ATP8B1: variants seen among roughly 807,000 people sequenced by gnomAD.
The protein encoded by ATP8B1 is phospholipid-transporting ATPase IC.
Under a neutral mutation model 149.9 loss-of-function variants are expected in ATP8B1, and 80 were observed. That is an observed-to-expected ratio of 0.53 (90% CI 0.45 to 0.64). ATP8B1 has a LOEUF of 0.64. ATP8B1 is among the 30% of genes least tolerant of loss of function. The pLI is 0.00. For missense variants in ATP8B1, 1,247 were observed against 1,552.6 expected (o/e 0.80, Z 3.31); for synonymous variants, 536 against 562.8 (o/e 0.95, Z 0.67).
At chr18:57,668,730 T>C in intron 18 of ATP8B1, 190 bp from the exon 19 acceptor site, 1 of 530,504 alleles carries the variant, frequency 1.9e-6, no homozygotes, top group Non-Finnish European at 3.3e-6. Flanking sequence ...CCAACACACC[T>C]AAAAACTTTT....
chr18:57,799,825 A>G (rs1471891910), intron 1 of ATP8B1, among the ~76,000 whole-genome samples: 1 of 152,190 alleles, frequency 6.6e-6, no homozygotes, highest in Non-Finnish European at 1.5e-5. Flanking sequence ...ATCTTCCTAA[A>G]CAATACCAGG....
intron 2 of ATP8B1, among the ~76,000 whole-genome samples, chr18:57,713,155 T>TTCTC (rs148275843): frequency 7.7e-6 from 1 of 129,264 alleles, no homozygotes; most frequent in African/African-American, 3.0e-5. Context: ...CTCTTGATCT[T>TTCTC]TCTCTTTCTT....
intron 15 of ATP8B1, among the ~76,000 whole-genome samples, chr18:57,679,670 C>G (rs964341952): frequency 6.6e-6 from 1 of 152,084 alleles, no homozygotes; most frequent in Non-Finnish European, 1.5e-5. Context: ...CTGATTCACT[C>G]TAATTTCTTT....
At chr18:57,651,484 C>T (rs189578692) in intron 26 of ATP8B1, among the ~76,000 whole-genome samples, 28 of 152,270 alleles carry the variant, frequency 1.8e-4, no homozygotes, top group Admixed American at 1.2e-3. Context: ...ATTCAACACA[C>T]GTACAGCGCT....
chr18:57,688,397 T>A lies in ATP8B1; in HGVS notation c.1331A>T (p.Gln444Leu), dbSNP rs754395077. ...GAAGATATAATGGATCTGCCCGAGC[T>A]GTTCATTGAGTGTGGTGGTTCTAGC... is the stretch of plus-strand genomic sequence containing the variant. ...AKARTTTLNE[Q>L]LGQIHYIFSD... The change falls in exon 13 of 28, where the codon CAG becomes CTG. Residue 444 changes from glutamine to leucine, a missense_variant. Physicochemically the swap from Gln to Leu is moderately radical, Grantham distance 113. Transcript: ENST00000648908. 6.2e-7 allele frequency: 1 copy of A among 1,614,224 alleles called. No homozygotes were observed. The highest frequency in any genetic ancestry group is 8.5e-7 in the Non-Finnish European group (1 of 1,180,040).
At chr18:57,676,717 CAAAAAAAAAAA>C (rs58101846) in intron 15 of ATP8B1, among the ~76,000 whole-genome samples, 10 of 92,220 alleles carry the variant, frequency 1.1e-4, no homozygotes, top group African/African-American at 1.7e-4. Context: ...GACTCCATTT[CAAAAAAAAAAA>C]AAAAAAAAAA....
chr18:57,802,347 G>A lies in ATP8B1; in HGVS notation c.-26+651C>T, dbSNP rs2080586336. ...TCAGCGGGGCTGGCGGACGCGACCC[G>A]ACAGTCACCGGAAAAACAGTGGTGT... On this transcript the variant is annotated intron_variant, in intron 1 of 27. Transcript: ENST00000648908. This position sits in a 1 kb window ranked among gnomAD's most constrained non-coding sequence, Gnocchi z 4.9. Among the ~76,000 whole-genome samples, 2 of 152,098 alleles carry A rather than the reference G, an allele frequency of 1.3e-5. No individual in the cohort carries two copies. Among genetic ancestry groups the A allele is most frequent in the African/African-American group, 4.8e-5 (2 of 41,416 alleles).
rs540512648 is a variant in ATP8B1, at chr18:57,694,806, G to A, written c.941-136C>T. 1,092 of 724,880 alleles carry A rather than the reference G, an allele frequency of 1.5e-3. 4 individuals are homozygous for A. The highest frequency in any genetic ancestry group is 2.1e-3 in the Non-Finnish European group (874 of 414,228). 44.9% of individuals were successfully genotyped at this position (724,880 alleles called of 1,614,324 possible). A position where few individuals can be genotyped will look rare whatever the true frequency, so the allele number is the denominator to read the frequency against. On this transcript the variant is annotated intron_variant, in intron 10 of 27. Coordinates refer to ENST00000648908, the MANE Select transcript of ATP8B1 (RefSeq NM_001374385.1). Reference sequence around the variant, plus strand: ...GCAGTTTTGGAGGCTGAGTTGGGCGGATCACCTGAGGTCAGGGGTTCGAGG... The same window carrying A: ...GCAGTTTTGGAGGCTGAGTTGGGCGAATCACCTGAGGTCAGGGGTTCGAGG...
At chr18:57,654,223 C>T (rs924554840) in intron 23 of ATP8B1, 148 bp from the exon 24 acceptor site, 1 of 775,980 alleles carries the variant, frequency 1.3e-6, no homozygotes, top group African/African-American at 1.7e-5. Flanking sequence ...CCTAGGCTGG[C>T]CTCGAACTCC....
At chr18:57,660,350 A>C (rs528091724) in intron 22 of ATP8B1, among the ~76,000 whole-genome samples, 1 of 152,314 alleles carries the variant, frequency 6.6e-6, no homozygotes, top group South Asian at 2.1e-4. Context: ...TGTTACTCTA[A>C]ACTCACACCA....
chr18:57,759,806 G>A (rs2080130019), intron 1 of ATP8B1, among the ~76,000 whole-genome samples: 1 of 149,434 alleles, frequency 6.7e-6, no homozygotes, highest in Non-Finnish European at 1.5e-5. Context: ...GAGACAGAGC[G>A]AGACTCCGTC....
rs949103874 is a variant in ATP8B1, at chr18:57,646,880, G to A, written c.*1608C>T. 2 of 152,490 alleles carry A rather than the reference G, an allele frequency of 1.3e-5. No homozygotes were observed. Among genetic ancestry groups the A allele is most frequent in the African/African-American group, 2.4e-5 (1 of 41,414 alleles). The allele number at this position is 152,490 out of a possible 1,614,324, so 9.4% of individuals were successfully genotyped here. On this transcript the variant is annotated 3_prime_UTR_variant, in exon 28 of 28. Transcript: ENST00000648908. ...CCCAATGGTAAAAAACAGAATTCTC[G>A]AACTATGGAAACTAGTGTGTGAAAG...
intron 1 of ATP8B1, among the ~76,000 whole-genome samples, chr18:57,787,609 G>T (rs2080422780): frequency 6.6e-6 from 1 of 152,130 alleles, no homozygotes; most frequent in African/African-American, 2.4e-5. Context: ...TTGTAATTTT[G>T]GCTTCTTTGT....
chr18:57,771,412 C>T (rs1000855108), intron 1 of ATP8B1, among the ~76,000 whole-genome samples: 3 of 152,122 alleles, frequency 2.0e-5, no homozygotes, highest in Non-Finnish European at 4.4e-5. Context: ...TAGGCAATTC[C>T]CTTACTTCCT....
rs546260570 is a variant in ATP8B1 at position 57,674,576 on chromosome 18, C to T, written c.1819+258G>A. 2.0e-5 allele frequency among the ~76,000 whole-genome samples: 3 copies of T among 151,636 alleles called. No homozygotes were observed. In the East Asian group the frequency reaches 5.9e-4, roughly 30 times the overall value. On this transcript the variant is annotated intron_variant, in intron 16 of 27. Coordinates refer to ENST00000648908, the MANE Select transcript of ATP8B1 (RefSeq NM_001374385.1). ...ATTTTTTTTGTATTTTTAGTAGAGA[C>T]GGGGTTTCACCGTGTTAGCCAGGAT... is the stretch of plus-strand genomic sequence containing the variant.
intron 1 of ATP8B1, among the ~76,000 whole-genome samples, chr18:57,799,829 T>C (rs2080556676): frequency 6.6e-6 from 1 of 151,894 alleles, no homozygotes; most frequent in Non-Finnish European, 1.5e-5. Context: ...TCCTAAACAA[T>C]ACCAGGTCTT....
intron 6 of ATP8B1, among the ~76,000 whole-genome samples, chr18:57,699,152 A>G (rs1224709766): frequency 6.6e-6 from 1 of 152,202 alleles, no homozygotes. Flanking sequence ...GCCTCATTCC[A>G]AGACTTTTTA....
In ATP8B1 at chr18:57,673,942, C is replaced by G. The variant is rs537413103; in HGVS notation, c.1819+892G>C. 1.6e-4 allele frequency among the ~76,000 whole-genome samples: 25 copies of G among 152,040 alleles called. No individual in the cohort carries two copies. In the East Asian group the frequency reaches 4.8e-3, roughly 29 times the overall value. ...TCTCAGAAATCTTTTCCTGCTGAGT[C>G]CTCCCTTCCCTGCCATCAAGTACAG... On this transcript the variant is annotated intron_variant, in intron 16 of 27. Coordinates refer to ENST00000648908, the MANE Select transcript of ATP8B1 (RefSeq NM_001374385.1).
At chr18:57,667,461 A>G (rs1910943980) in intron 19 of ATP8B1, 1 of 376,366 alleles carries the variant, frequency 2.7e-6, no homozygotes, top group East Asian at 5.6e-5. Context: ...TGTTGAACTG[A>G]ATAATTGATT....
Sources: allele counts gnomAD v4.1 joint callset (sites outside exome capture counted in the v4.1 genomes callset), GRCh38; gene constraint gnomAD v4.1.1; non-coding constraint Gnocchi (gnomAD v3.1); transcripts MANE v1.5; gene names NCBI Gene and HGNC (gene_info 2026-07-23, HGNC 2026-07-21).